Variants in SGK1 observed in about 807,000 individuals in gnomAD.
SGK1 encodes serine/threonine-protein kinase Sgk1.
SGK1 carries 26 observed loss-of-function variants against 64.2 expected under a neutral mutation model. That is an observed-to-expected ratio of 0.40 (90% CI 0.30 to 0.56). SGK1 has a LOEUF of 0.56. Among genes scored for constraint, SGK1 ranks in the 20% least tolerant of loss-of-function variants. The pLI is 0.38. For synonymous variants in SGK1, 265 were observed against 239.7 expected, an observed-to-expected ratio of 1.11 and a Z score of -0.98; for missense variants, 519 against 645.6, an observed-to-expected ratio of 0.80 and a Z score of 2.12.
chr6:134,314,794 T>TTG (rs1467118109), intron 1 of SGK1, among the ~76,000 whole-genome samples: 1 of 67,302 alleles, frequency 1.5e-5, no homozygotes, highest in African/African-American at 4.6e-5. Flanking sequence ...ACCCTATGGT[T>TTG]TTTTTTTTTT....
intron 3 of SGK1, among the ~76,000 whole-genome samples, 164 bp downstream of exon 3, chr6:134,207,192 C>T (rs1379540655): frequency 1.3e-5 from 2 of 152,148 alleles, no homozygotes; most frequent in Non-Finnish European, 2.9e-5. Context: ...CGCCACTGCC[C>T]TCCAACCTGG....
intron 1 of SGK1, among the ~76,000 whole-genome samples, chr6:134,314,699 T>A (rs1777652061): frequency 6.6e-6 from 1 of 151,992 alleles, no homozygotes; most frequent in Non-Finnish European, 1.5e-5. Context: ...TTTCTTATGC[T>A]CCCTCTGGAA....
At chr6:134,240,365 G>T (rs1440179855) in intron 2 of SGK1, among the ~76,000 whole-genome samples, 1 of 150,490 alleles carries the variant, frequency 6.6e-6, no homozygotes, top group Admixed American at 6.6e-5. Context: ...TAGGATAATT[G>T]TAAGATCCAA....
intron 2 of SGK1, among the ~76,000 whole-genome samples, chr6:134,227,103 C>T (rs543532323): frequency 6.6e-6 from 1 of 152,236 alleles, no homozygotes; most frequent in South Asian, 2.1e-4. Flanking sequence ...TGGCTGGTCC[C>T]TGGTCCCTGG....
intron 10 of SGK1, 41 bp from the exon 11 acceptor site, chr6:134,171,773 A>G (rs1214868967): frequency 1.5e-6 from 2 of 1,344,042 alleles, no homozygotes; most frequent in Non-Finnish European, 2.1e-6. Context: ...GAACCTGCGA[A>G]AGCAAGCAAT....
chr6:134,175,656 C>A, intron 3 of SGK1: 1 of 1,507,790 alleles, frequency 6.6e-7, no homozygotes, highest in East Asian at 2.6e-5. Flanking sequence ...CCTGCATCTC[C>A]CCCATGGGCA....
intron 2 of SGK1, among the ~76,000 whole-genome samples, chr6:134,229,820 C>T (rs1192277917): frequency 1.3e-5 from 2 of 152,002 alleles, no homozygotes; most frequent in Non-Finnish European, 2.9e-5. Flanking sequence ...GAATGAGGCC[C>T]CAGGGTCAGG....
intron 2 of SGK1, among the ~76,000 whole-genome samples, chr6:134,224,141 C>T (rs1211266350): frequency 6.6e-6 from 1 of 152,106 alleles, no homozygotes; most frequent in Non-Finnish European, 1.5e-5. Context: ...TCTGCATAAG[C>T]AAAAACACCA....
chr6:134,175,769 T>A (rs1469067342), intron 3 of SGK1: 1 of 1,333,648 alleles, frequency 7.5e-7, no homozygotes, highest in African/African-American at 1.5e-5. Context: ...CTGCCCCGAG[T>A]CCCAAAACAA....
At chr6:134,311,645 T>C (rs1240570310) in intron 1 of SGK1, among the ~76,000 whole-genome samples, 9 of 151,956 alleles carry the variant, frequency 5.9e-5, no homozygotes, top group Admixed American at 5.9e-4. Context: ...AGTGAGACTG[T>C]ATGAAAAAAC....
chr6:134,226,602 G>A (rs1409847175), intron 2 of SGK1, among the ~76,000 whole-genome samples: 1 of 151,680 alleles, frequency 6.6e-6, no homozygotes, highest in Admixed American at 6.6e-5. Context: ...GCTGAGGTGG[G>A]AGGATCGCCT....
intron 1 of SGK1, among the ~76,000 whole-genome samples, chr6:134,262,675 G>A (rs979197778): frequency 6.6e-5 from 10 of 151,936 alleles, no homozygotes; most frequent in Middle Eastern, 3.4e-3. Context: ...CTCCAGCCTG[G>A]GTGACAGAGC....
intron 2 of SGK1, chr6:134,261,285 A>G (rs189168117): frequency 6.5e-6 from 1 of 153,384 alleles, no homozygotes. Context: ...TGACTATTAC[A>G]ATCGTTGTAT....
intron 1 of SGK1, among the ~76,000 whole-genome samples, chr6:134,292,124 C>T (rs1036094089): frequency 6.6e-6 from 1 of 151,104 alleles, no homozygotes; most frequent in Non-Finnish European, 1.5e-5. Flanking sequence ...TATGGCAAGA[C>T]AACAAATCAT....
intron 2 of SGK1, among the ~76,000 whole-genome samples, chr6:134,246,007 T>C (rs1009000382): frequency 1.3e-5 from 2 of 152,216 alleles, no homozygotes; most frequent in African/African-American, 4.8e-5. Context: ...AAATATTTAA[T>C]GAACAGGCTT....
chr6:134,288,047 C>G (rs976040894), intron 1 of SGK1, among the ~76,000 whole-genome samples: 1 of 152,150 alleles, frequency 6.6e-6, no homozygotes, highest in African/African-American at 2.4e-5. Flanking sequence ...CAAGAGATCT[C>G]TTGGGATGTC....
chr6:134,215,126 C>CTTT (rs750498622), intron 2 of SGK1: 1 of 317,128 alleles, frequency 3.2e-6, no homozygotes, highest in Non-Finnish European at 6.2e-6. Flanking sequence ...AGTTTTCTTT[C>CTTT]TTTCTTTCTT....
At chr6:134,287,550 G>A (rs1233328085) in intron 1 of SGK1, among the ~76,000 whole-genome samples, 1 of 147,766 alleles carries the variant, frequency 6.8e-6, no homozygotes, top group African/African-American at 2.5e-5. Flanking sequence ...AATACGTTTT[G>A]GATTGTATTT....
chr6:134,182,814 G>A (rs564941083), intron 3 of SGK1, among the ~76,000 whole-genome samples: 7 of 152,358 alleles, frequency 4.6e-5, no homozygotes, highest in Admixed American at 1.3e-4. Flanking sequence ...CTCACAGACA[G>A]TGCTCCTGAA....
Sources: gnomAD v4.1 joint callset for allele counts (sites outside exome capture counted in the v4.1 genomes callset) on GRCh38, gnomAD v4.1.1 for gene constraint, MANE v1.5 for transcripts, NCBI Gene and HGNC (gene_info 2026-07-23, HGNC 2026-07-21) for gene names.